UGCG: variants seen among roughly 807,000 people sequenced by gnomAD.
The protein encoded by UGCG is UDP-glucose ceramide glucosyltransferase.
UGCG carries 10 observed loss-of-function variants against 49.5 expected under a neutral mutation model. That is an observed-to-expected ratio of 0.20 (90% confidence interval 0.12 to 0.34). UGCG has a LOEUF of 0.34. Among genes scored for constraint, UGCG ranks in the 10% least tolerant of loss-of-function variants. UGCG has a pLI of 1.00. For synonymous variants in UGCG, 182 were observed against 158.2 expected (o/e 1.15, Z -1.13); for missense variants, 312 against 483.7 (o/e 0.65, Z 3.33).
At chr9:111,917,265 G>GT (rs1187626811) in intron 2 of UGCG, among the ~76,000 whole-genome samples, 1 of 152,198 alleles carries the variant, frequency 6.6e-6, no homozygotes, top group African/African-American at 2.4e-5. Flanking sequence ...GAAGTGCAAA[G>GT]TACCTGCAAT....
intron 1 of UGCG, among the ~76,000 whole-genome samples, chr9:111,904,635 T>TG (rs1837842968): frequency 6.6e-6 from 1 of 152,014 alleles, no homozygotes; most frequent in Non-Finnish European, 1.5e-5. Context: ...CCGAGGCAGG[T>TG]GGATCACCTG....
chr9:111,922,377 A>G (rs1441643466), intron 2 of UGCG, among the ~76,000 whole-genome samples: 1 of 152,154 alleles, frequency 6.6e-6, no homozygotes, highest in Non-Finnish European at 1.5e-5. Context: ...TTATAATGGG[A>G]TTTTATATGA....
intron 6 of UGCG, 76 bp from the exon 7 acceptor site, chr9:111,931,195 A>G: frequency 2.1e-6 from 3 of 1,416,402 alleles, no homozygotes; most frequent in South Asian, 2.4e-5. Context: ...CTTTATAATG[A>G]TTACTGAATG....
At chr9:111,927,673 G>T (rs956141667) in intron 5 of UGCG, among the ~76,000 whole-genome samples, 2 of 151,970 alleles carry the variant, frequency 1.3e-5, no homozygotes, top group African/African-American at 4.8e-5. Flanking sequence ...GGATGGTCTC[G>T]ATCTCCTGAC....
chr9:111,898,432 CT>C (rs1837707618), intron 1 of UGCG, among the ~76,000 whole-genome samples: 1 of 150,930 alleles, frequency 6.6e-6, no homozygotes, highest in Non-Finnish European at 1.5e-5. Flanking sequence ...AAAAGTGTGC[CT>C]TTGCTTTTGG....
intron 2 of UGCG, among the ~76,000 whole-genome samples, chr9:111,921,801 G>GTTTTTTTTTTTTTTTTTT (rs1564203243): frequency 1.9e-4 from 9 of 48,050 alleles, no homozygotes; most frequent in East Asian, 1.4e-3. Flanking sequence ...GCCCCAGGGT[G>GTTTTTTTTTTTTTTTTTT]ATTTTTTTTT....
At chr9:111,905,045 C>A (rs951465995) in intron 1 of UGCG, among the ~76,000 whole-genome samples, 3 of 152,114 alleles carry the variant, frequency 2.0e-5, no homozygotes, top group Admixed American at 6.5e-5. Flanking sequence ...GGTGACAGAG[C>A]AAGATTGTAT....
chr9:111,910,503 A>G (rs1004109801), intron 1 of UGCG, among the ~76,000 whole-genome samples: 19 of 152,142 alleles, frequency 1.2e-4, no homozygotes, highest in African/African-American at 4.1e-4. Flanking sequence ...CTAGATGCCA[A>G]TTCTTTCGTA....
Position 111,934,056 on chromosome 9 carries a change from T to C in UGCG, c.*1059T>C, listed in dbSNP as rs1409573325. 2 of 152,154 alleles carry C rather than the reference T, an allele frequency of 1.3e-5. No individual in the cohort carries two copies. The highest frequency in any genetic ancestry group is 1.5e-5 in the Non-Finnish European group (1 of 68,026). 9.4% of individuals were successfully genotyped at this position (152,154 alleles called of 1,614,324 possible). A position where few individuals can be genotyped will look rare whatever the true frequency, so the allele number is the denominator to read the frequency against. On this transcript the variant is annotated 3_prime_UTR_variant, in exon 9 of 9. Transcript: ENST00000374279. Reference sequence around the variant, plus strand: ...TATTCTAGCCATCAATAAATTGCAGTAGAGTATTAAGAGGGGACAGGATGA... The same window carrying C: ...TATTCTAGCCATCAATAAATTGCAGCAGAGTATTAAGAGGGGACAGGATGA...
chr9:111,932,430 T>G, intron 8 of UGCG, 71 bp downstream of exon 8: 1 of 1,441,958 alleles, frequency 6.9e-7, no homozygotes. Flanking sequence ...TAGAAAAAGT[T>G]GAAGGAAATG....
intron 1 of UGCG, among the ~76,000 whole-genome samples, chr9:111,906,966 G>C (rs1837897337): frequency 6.6e-6 from 1 of 152,212 alleles, no homozygotes; most frequent in Non-Finnish European, 1.5e-5. Flanking sequence ...ATTTATAGCA[G>C]AGATGAGTCT....
At chr9:111,921,536 T>C (rs920775293) in intron 2 of UGCG, among the ~76,000 whole-genome samples, 2 of 151,560 alleles carry the variant, frequency 1.3e-5, no homozygotes, top group African/African-American at 4.9e-5. Flanking sequence ...TCCCAGCTAC[T>C]CCTGTTTGGG....
At chr9:111,897,973 T>G (rs2131709825) in intron 1 of UGCG, among the ~76,000 whole-genome samples, 1 of 148,278 alleles carries the variant, frequency 6.7e-6, no homozygotes, top group East Asian at 2.0e-4. Flanking sequence ...TCATTTTTGT[T>G]TAACAAATAC....
rs71373800 is a variant in UGCG at position 111,921,802 on chromosome 9, A to ATTTTTTTTTTTT, written c.241-1032_241-1021dup. On this transcript the variant is annotated intron_variant, in intron 2 of 8. Transcript: ENST00000374279. ...TTTTTAAAATAAATGCCCCAGGGTG[A>ATTTTTTTTTTTT]TTTTTTTTTTTTTTTTTTTTTTTTT... Among the ~76,000 whole-genome samples the ATTTTTTTTTTTT allele has an allele frequency of 5.8e-3, 323 of 55,516 alleles. 54 individuals carry two copies. The highest frequency in any genetic ancestry group is 9.7e-3 in the East Asian group (12 of 1,240). 36.4% of individuals were successfully genotyped at this position (55,516 alleles called of 152,430 possible).
chr9:111,920,599 A>T (rs1838203018), intron 2 of UGCG, among the ~76,000 whole-genome samples: 1 of 152,128 alleles, frequency 6.6e-6, no homozygotes, highest in Admixed American at 6.5e-5. Flanking sequence ...TCCTGACCTC[A>T]GGTGATCCAC....
intron 1 of UGCG, among the ~76,000 whole-genome samples, chr9:111,908,853 G>A (rs149136221): frequency 0.013 from 2,010 of 152,286 alleles, 41 homozygotes; most frequent in African/African-American, 0.046. Flanking sequence ...CCCTGTCCGA[G>A]CCACTTATAA....
Position 111,932,329 on chromosome 9 carries a change from A to G in UGCG, c.984A>G (p.Ile328Met). Residue 328 changes from isoleucine to methionine, a missense_variant, in exon 8 of 9, where the codon ATA (isoleucine) becomes ATG (methionine). Ile to Met is a conservative substitution (Grantham distance 10). Coordinates refer to ENST00000374279, the MANE Select transcript of UGCG (RefSeq NM_003358.3). ...FFMCHCLAWF[I>M]FDYIQLRGVQ... ...TGTGTCATTGCCTGGCATGGTTTAT[A>G]TTTGACTACATTCAACTCAGGGGTG... is the stretch of plus-strand genomic sequence containing the variant. 4 of 1,614,096 alleles carry G rather than the reference A, an allele frequency of 2.5e-6. No individual in the cohort carries two copies. The highest frequency in any genetic ancestry group is 3.4e-6 in the Non-Finnish European group (4 of 1,180,028).
At chr9:111,930,950 T>C (rs551859143) in intron 6 of UGCG, among the ~76,000 whole-genome samples, 1 of 152,348 alleles carries the variant, frequency 6.6e-6, no homozygotes, top group South Asian at 2.1e-4. Context: ...GTTGTTTGGT[T>C]AGTAGTCATC....
At chr9:111,908,857 C>T (rs1211483329) in intron 1 of UGCG, among the ~76,000 whole-genome samples, 1 of 152,234 alleles carries the variant, frequency 6.6e-6, no homozygotes, top group Non-Finnish European at 1.5e-5. Flanking sequence ...GTCCGAGCCA[C>T]TTATAATACT....
Sources: allele counts gnomAD v4.1 joint callset (sites outside exome capture counted in the v4.1 genomes callset), GRCh38; gene constraint gnomAD v4.1.1; transcripts MANE v1.5; gene names NCBI Gene and HGNC (gene_info 2026-07-23, HGNC 2026-07-21).